Variants in AUTS2 observed in about 807,000 individuals in gnomAD.
The protein encoded by AUTS2 is autism susceptibility gene 2 protein.
In AUTS2, 17 loss-of-function variants were observed where a neutral mutation model predicts 112.4. That is an observed-to-expected ratio of 0.15 (90% CI 0.10 to 0.23). AUTS2 has a LOEUF of 0.23. AUTS2 is among the 10% of genes least tolerant of loss of function. AUTS2 has a pLI of 1.00. For synonymous variants in AUTS2, 751 were observed against 702.7 expected (o/e 1.07, Z -1.09); for missense variants, 1,510 against 1,701.6 (o/e 0.89, Z 1.98).
At chr7:69,872,186 C>G (rs767198186) in intron 1 of AUTS2, among the ~76,000 whole-genome samples, 1 of 152,180 alleles carries the variant, frequency 6.6e-6, no homozygotes, top group Non-Finnish European at 1.5e-5. Flanking sequence ...CTGGCTCTGA[C>G]CTTAATAGAT....
chr7:70,320,827 G>A (rs1179483637), intron 4 of AUTS2, among the ~76,000 whole-genome samples: 1 of 152,194 alleles, frequency 6.6e-6, no homozygotes, highest in Admixed American at 6.5e-5. Flanking sequence ...GGGAGAGGCT[G>A]TGCGTTGATG....
chr7:70,104,712 T>G (rs1296236650), intron 2 of AUTS2, among the ~76,000 whole-genome samples: 1 of 152,206 alleles, frequency 6.6e-6, no homozygotes, highest in Non-Finnish European at 1.5e-5. Context: ...TTTGATCTGT[T>G]TGGAGTTTAG....
intron 4 of AUTS2, among the ~76,000 whole-genome samples, chr7:70,136,713 T>C (rs1806582256): frequency 6.6e-6 from 1 of 152,180 alleles, no homozygotes; most frequent in Non-Finnish European, 1.5e-5. Context: ...GTCTTTGAAA[T>C]GTGGATGGAG....
At chr7:70,703,490 CAAA>C (rs57223380) in intron 6 of AUTS2, among the ~76,000 whole-genome samples, 9,399 of 98,390 alleles carry the variant, frequency 0.096, 294 homozygotes, top group South Asian at 0.18. Flanking sequence ...GACACCATTT[CAAA>C]AAAAAAAAAA....
chr7:70,003,487 AATAT>A (rs1260660547), intron 2 of AUTS2, among the ~76,000 whole-genome samples: 20 of 125,020 alleles, frequency 1.6e-4, no homozygotes, highest in Non-Finnish European at 2.6e-4. Flanking sequence ...GAATATATAT[AATAT>A]ATATGAATAT....
rs564521970 is a variant in AUTS2 at position 70,081,972 on chromosome 7, G to A, written c.523-36160G>A. On this transcript the variant is annotated intron_variant, in intron 2 of 18. Transcript: ENST00000342771. ...TGTGTGTGTGTGTGTGTGTGCGCGC[G>A]CCTGTGTGTGTGTTTAAATTAGATT... Among the ~76,000 whole-genome samples, 133 of 150,510 alleles carry A rather than the reference G, an allele frequency of 8.8e-4. 1 individual carries two copies. In the South Asian group the frequency reaches 0.011, roughly 13 times the overall value.
At chr7:69,879,232 A>T (rs538776467) in intron 1 of AUTS2, among the ~76,000 whole-genome samples, 1 of 151,196 alleles carries the variant, frequency 6.6e-6, no homozygotes, top group Non-Finnish European at 1.5e-5. Context: ...GCTTCCCTCC[A>T]TCCTGGGCTC....
At chr7:69,681,688 A>G (rs933146028) in intron 1 of AUTS2, among the ~76,000 whole-genome samples, 1 of 152,068 alleles carries the variant, frequency 6.6e-6, no homozygotes, top group African/African-American at 2.4e-5. Context: ...GCTTCTCTCT[A>G]TTTCTTAATT....
intron 2 of AUTS2, among the ~76,000 whole-genome samples, chr7:69,921,432 C>G (rs1409405319): frequency 1.4e-5 from 2 of 142,168 alleles, no homozygotes; most frequent in Non-Finnish European, 3.0e-5. Context: ...GAAAACCAGA[C>G]ATTTATGAAA....
At chr7:69,961,386 A>C (rs1157359562) in intron 2 of AUTS2, among the ~76,000 whole-genome samples, 20 of 152,154 alleles carry the variant, frequency 1.3e-4, no homozygotes, top group Admixed American at 1.1e-3. Context: ...CATTTTATAG[A>C]TAGACAAGGT....
intron 5 of AUTS2, among the ~76,000 whole-genome samples, chr7:70,598,067 C>T (rs1322134348): frequency 1.3e-5 from 2 of 152,158 alleles, no homozygotes; most frequent in African/African-American, 2.4e-5. Context: ...CATAAATCCG[C>T]TTGGTTAATG....
intron 1 of AUTS2, among the ~76,000 whole-genome samples, chr7:69,876,349 A>AAAAATATAT (rs1554396465): frequency 1.4e-4 from 4 of 29,492 alleles, no homozygotes; most frequent in African/African-American, 4.4e-4. Context: ...AAAAAAAAAA[A>AAAAATATAT]ATATATATAT....
At chr7:69,959,977 A>AT (rs964479887) in intron 2 of AUTS2, among the ~76,000 whole-genome samples, 20 of 150,692 alleles carry the variant, frequency 1.3e-4, no homozygotes, top group South Asian at 2.1e-4. Context: ...CTCTAGGCCT[A>AT]TTTTTTTTTA....
At chr7:70,049,539 A>G (rs10266802) in intron 2 of AUTS2, among the ~76,000 whole-genome samples, 12,295 of 152,124 alleles carry the variant, frequency 0.081, 634 homozygotes, top group African/African-American at 0.13. Context: ...TATGTTGGTC[A>G]GGCTGGTCTC....
intron 4 of AUTS2, among the ~76,000 whole-genome samples, chr7:70,394,397 G>C (rs1297970477): frequency 6.6e-6 from 1 of 152,186 alleles, no homozygotes; most frequent in East Asian, 1.9e-4. Flanking sequence ...ATTCTGCCTT[G>C]AAAGCCCAGG....
At position 70,108,740 on chromosome 7, in the gene AUTS2, A is replaced by G. The variant is rs559944732; in HGVS notation, c.523-9392A>G. On this transcript the variant is annotated intron_variant, in intron 2 of 18. Coordinates refer to ENST00000342771, the MANE Select transcript of AUTS2 (RefSeq NM_015570.4). ...CACTTTGGGAGGCTGAGGTGGGTGG[A>G]TCACTTGAGGTCAGGAGTTCCAGAC... 1.8e-4 allele frequency among the ~76,000 whole-genome samples: 25 copies of G among 142,138 alleles called. 1 individual carries two copies. The East Asian group carries it at 5.5e-3, about 31-fold the overall frequency. 93.2% of individuals were successfully genotyped at this position (142,138 alleles called of 152,430 possible). A position where few individuals can be genotyped will look rare whatever the true frequency, so the allele number is the denominator to read the frequency against.
chr7:70,167,075 A>T (rs1808421293), intron 4 of AUTS2, among the ~76,000 whole-genome samples: 1 of 152,128 alleles, frequency 6.6e-6, no homozygotes, highest in South Asian at 2.1e-4. Flanking sequence ...AAAGTATAAA[A>T]ATTAGCCAGG....
intron 5 of AUTS2, among the ~76,000 whole-genome samples, chr7:70,535,344 A>G (rs537080971): frequency 1.1e-4 from 17 of 152,086 alleles, no homozygotes; most frequent in Non-Finnish European, 1.8e-4. Flanking sequence ...ATAAGTAACA[A>G]TTCTGCACAT....
chr7:69,671,634 T>C (rs1307175086), intron 1 of AUTS2, among the ~76,000 whole-genome samples: 1 of 152,024 alleles, frequency 6.6e-6, no homozygotes, highest in African/African-American at 2.4e-5. Context: ...TCTCAGGGTT[T>C]TTTTGGTAAT....
Sources: gnomAD v4.1 joint callset for allele counts (sites outside exome capture counted in the v4.1 genomes callset) on GRCh38, gnomAD v4.1.1 for gene constraint, MANE v1.5 for transcripts, NCBI Gene and HGNC (gene_info 2026-07-23, HGNC 2026-07-21) for gene names.